Variants in RBM17 observed in about 807,000 individuals in gnomAD.
RBM17 encodes RNA binding motif protein 17, also known as splicing factor 45.
A neutral mutation model predicts 53.2 loss-of-function variants in RBM17; 7 were observed. That is an observed-to-expected ratio of 0.13 (90% CI 0.07 to 0.25). RBM17 has a LOEUF of 0.25. Among genes scored for constraint, RBM17 ranks in the 10% least tolerant of loss-of-function variants. The probability of loss-of-function intolerance (pLI) is 1.00; values close to 1 mark genes in which losing one functional copy is unlikely to be tolerated. For missense variants in RBM17, 257 were observed against 496.7 expected (o/e 0.52, Z 4.59); for synonymous variants, 167 against 178.1 (o/e 0.94, Z 0.50).
At chr10:6,107,535 G>A (rs2132949961) in intron 5 of RBM17, among the ~76,000 whole-genome samples, 1 of 135,400 alleles carries the variant, frequency 7.4e-6, no homozygotes, top group Middle Eastern at 4.6e-3. Context: ...AGGCTGGAGT[G>A]CAGTGGCGCC....
In RBM17 at chr10:6,113,402, G is replaced by A. The variant is rs374818106; in HGVS notation, c.857-106G>A. ...GCCTAGGACATAAATGGTGGGGATC[G>A]CTATTGAAATTAAATTAATTATTGT... On this transcript the variant is annotated intron_variant, in intron 8 of 11. Transcript: ENST00000379888. 26 of 743,690 alleles carry A rather than the reference G, an allele frequency of 3.5e-5. No individual in the cohort carries two copies. The Middle Eastern group carries it at 1.2e-3, about 35-fold the overall frequency. The allele number at this position is 743,690 out of a possible 1,614,324, so 46.1% of individuals were successfully genotyped here.
chr10:6,103,755 T>C (rs1840704036), intron 3 of RBM17, among the ~76,000 whole-genome samples: 1 of 152,224 alleles, frequency 6.6e-6, no homozygotes, highest in East Asian at 1.9e-4. Context: ...GTGCAAAATG[T>C]CACACCGAAC....
intron 5 of RBM17, among the ~76,000 whole-genome samples, chr10:6,107,735 G>T (rs1436700542): frequency 2.0e-5 from 3 of 152,068 alleles, no homozygotes; most frequent in Non-Finnish European, 4.4e-5. Flanking sequence ...GCCTGCCTCA[G>T]CCTCTCAAAG....
At chr10:6,103,567 CTT>C (rs1840701328) in intron 3 of RBM17, among the ~76,000 whole-genome samples, 1 of 152,048 alleles carries the variant, frequency 6.6e-6, no homozygotes, top group African/African-American at 2.4e-5. Flanking sequence ...TTTTAAATGT[CTT>C]TTATAAAATG....
In RBM17 at chr10:6,110,033, T is replaced by G; in HGVS notation, c.610T>G (p.Ser204Ala). Residue 204 changes from serine (S) to alanine (A), a missense_variant, in exon 7 of 12, where the codon TCT becomes GCT. Physicochemically the swap from Ser to Ala is moderately conservative, Grantham distance 99. Around this residue, in one of 6 missense-constraint regions of RBM17, gnomAD observed 68 missense variants for 60.0 expected, o/e 1.13. Transcript: ENST00000379888. ...AGAGGACTCAAGACCTCGATCACAG[T>G]CTTCCAAAGCAGCCATTCCTCCCCC... Reference protein sequence around the residue: ...YEEDSRPRSQSSKAAIPPPVY... With the variant: ...YEEDSRPRSQASKAAIPPPVY... The G allele has an allele frequency of 6.2e-7, 1 of 1,613,260 alleles. No homozygotes were observed. The highest frequency in any genetic ancestry group is 8.5e-7 in the Non-Finnish European group (1 of 1,179,480).
At chr10:6,091,676 A>G (rs1840487797) in intron 1 of RBM17, among the ~76,000 whole-genome samples, 2 of 152,342 alleles carry the variant, frequency 1.3e-5, no homozygotes, top group Admixed American at 1.3e-4. Context: ...AAAAATATTA[A>G]TAGAGCCACT....
intron 1 of RBM17, 122 bp from the exon 2 acceptor site, chr10:6,096,926 T>C (rs1293330967): frequency 2.7e-6 from 2 of 743,110 alleles, no homozygotes; most frequent in African/African-American, 1.8e-5. Context: ...ACCAGGAGCC[T>C]GGGCCTCTGT....
chr10:6,091,457 T>C (rs1259274911), intron 1 of RBM17, among the ~76,000 whole-genome samples: 2 of 152,224 alleles, frequency 1.3e-5, no homozygotes, highest in Non-Finnish European at 2.9e-5. Flanking sequence ...AGCCTGCCTC[T>C]TTAGGTGCTC....
Position 6,109,979 on chromosome 10 carries a change from C to T in RBM17, c.563-7C>T, listed in dbSNP as rs765843998. ...TTTGGTGAGCCTACTTTATTTTTCT[C>T]CAATAGTACCCCGAGATTTTCCTTA... On this transcript the variant is annotated splice_polypyrimidine_tract_variant and splice_region_variant and intron_variant, in intron 6 of 11. Transcript: ENST00000379888. 55 of 1,598,348 alleles carry T rather than the reference C, an allele frequency of 3.4e-5. 1 individual carries two copies. The highest frequency in any genetic ancestry group is 1.2e-4 in the South Asian group (11 of 88,232).
chr10:6,106,479 T>C lies in RBM17; in HGVS notation c.505+241T>C, dbSNP rs969785996. The C allele has an allele frequency of 4.0e-5, 16 of 399,024 alleles. No homozygotes were observed. The East Asian group carries it at 7.5e-4, about 19-fold the overall frequency. The allele number at this position is 399,024 out of a possible 1,614,324, so 24.7% of individuals were successfully genotyped here. The stretch of plus-strand genomic sequence containing the variant: ...ATTTATTTATTGGATACTTTGGGAC[T>C]AGCTTAAAATCTATTCCTGCACTGT... On this transcript the variant is annotated intron_variant, in intron 5 of 11. Coordinates refer to ENST00000379888, the MANE Select transcript of RBM17 (RefSeq NM_032905.5).
chr10:6,092,012 T>TG (rs1840493676), intron 1 of RBM17, among the ~76,000 whole-genome samples: 1 of 152,244 alleles, frequency 6.6e-6, no homozygotes, highest in African/African-American at 2.4e-5. Context: ...GGTGGAATCT[T>TG]GAAAACTCAC....
At position 6,098,602 on chromosome 10, in the gene RBM17, G is replaced by C. The variant is rs1049968904; in HGVS notation, c.123+1414G>C. On this transcript the variant is annotated intron_variant, in intron 2 of 11. Transcript: ENST00000379888. ...TTTTTTTTTTTTTTTTTGAGACGTA[G>C]TCTCACTTTGTAGCCCAGGCTGGAG... Among the ~76,000 whole-genome samples the C allele has an allele frequency of 8.9e-5, 7 of 78,738 alleles. No homozygotes were observed. In the Admixed American group the frequency reaches 1.3e-3, roughly 15 times the overall value. The allele number at this position is 78,738 out of a possible 152,430, so 51.7% of individuals were successfully genotyped here.
In RBM17 at chr10:6,097,060, G is replaced by T; in HGVS notation, c.-6G>T. Reference sequence around the variant, plus strand: ...TTTTGCCTTTCAGCATTAAACTGAAGAAAAGATGTCCCTGTACGATGACCT... The same window carrying T: ...TTTTGCCTTTCAGCATTAAACTGAATAAAAGATGTCCCTGTACGATGACCT... On this transcript the variant is annotated 5_prime_UTR_variant, in exon 2 of 12. Transcript: ENST00000379888. 1 of 1,612,276 alleles carries T rather than the reference G, an allele frequency of 6.2e-7. No homozygotes were observed. Among genetic ancestry groups the T allele is most frequent in the Non-Finnish European group, 8.5e-7 (1 of 1,179,716 alleles).
chr10:6,113,515 C>T lies in RBM17; in HGVS notation c.864C>T (p.Ser288=). 1 of 1,611,024 alleles carries T rather than the reference C, an allele frequency of 6.2e-7. No individual in the cohort carries two copies. Among genetic ancestry groups the T allele is most frequent in the Non-Finnish European group, 8.5e-7 (1 of 1,177,318 alleles). Residue 288 remains serine, a synonymous_variant, in exon 9 of 12, where the codon TCC becomes TCT. Transcript: ENST00000379888. The part of the protein sequence containing the change: ...IVGDATEKDA[S]KKSDSNPLTE... ...TGGTATGTTTTGATACAGATGCATCCAAGAAGTCAGATTCAAATCCGCTGA... is the reference window on the plus strand; with the variant it reads ...TGGTATGTTTTGATACAGATGCATCTAAGAAGTCAGATTCAAATCCGCTGA...
intron 1 of RBM17, chr10:6,096,847 T>C (rs1840584239): frequency 5.8e-6 from 2 of 347,488 alleles, no homozygotes; most frequent in African/African-American, 4.2e-5. Context: ...AAAATGAATT[T>C]TAGAGGCTTA....
At chr10:6,098,563 GTTTTTTTTTT>G (rs398012715) in intron 2 of RBM17, among the ~76,000 whole-genome samples, 22 of 46,668 alleles carry the variant, frequency 4.7e-4, no homozygotes, top group East Asian at 3.0e-3. Flanking sequence ...CAGGTTTTTT[GTTTTTTTTTT>G]TTTTTTTTTT....
rs1211264030 is a variant in RBM17 at position 6,089,797 on chromosome 10, A to C, written c.-19+604A>C. The C allele has an allele frequency of 6.6e-6, 1 of 152,244 alleles. No homozygotes were observed. The highest frequency in any genetic ancestry group is 1.5e-5 in the Non-Finnish European group (1 of 68,026). The allele number at this position is 152,244 out of a possible 1,614,324, so 9.4% of individuals were successfully genotyped here. A position where few individuals can be genotyped will look rare whatever the true frequency, so the allele number is the denominator to read the frequency against. ...TTTGAGCTTCGCCTCTTGCCCCGAG[A>C]ATGTGTAATGATCGGAGAATGCAGG... On this transcript the variant is annotated intron_variant, in intron 1 of 11. Coordinates refer to ENST00000379888, the MANE Select transcript of RBM17 (RefSeq NM_032905.5). This position sits in a 1 kb window ranked among gnomAD's most constrained non-coding sequence, Gnocchi z 5.6.
chr10:6,094,376 A>G (rs773683853), intron 1 of RBM17, among the ~76,000 whole-genome samples: 64 of 152,184 alleles, frequency 4.2e-4, no homozygotes, highest in Non-Finnish European at 8.4e-4. Context: ...CTGTATTGAG[A>G]AAAGCAAATA....
At chr10:6,104,213 C>T (rs901468362) in intron 3 of RBM17, among the ~76,000 whole-genome samples, 2 of 152,194 alleles carry the variant, frequency 1.3e-5, no homozygotes, top group Non-Finnish European at 2.9e-5. Flanking sequence ...TGTGCTCTGC[C>T]TCTCGTTTTG....
Sources: gnomAD v4.1 joint callset for allele counts (sites outside exome capture counted in the v4.1 genomes callset) on GRCh38, gnomAD v4.1.1 for gene constraint, gnomAD v4.1.1 regional missense constraint, Gnocchi (gnomAD v3.1) non-coding constraint, MANE v1.5 for transcripts, NCBI Gene and HGNC (gene_info 2026-07-23, HGNC 2026-07-21) for gene names.